MCC: variants seen among roughly 807,000 people sequenced by gnomAD.
MCC encodes colorectal mutant cancer protein.
A neutral mutation model predicts 116.2 loss-of-function variants in MCC; 90 were observed. The ratio of observed to expected loss-of-function variants is 0.77; its 90% CI spans 0.65 to 0.92. The LOEUF is 0.92. MCC is among the 40% of genes least tolerant of loss of function. The probability of loss-of-function intolerance (pLI) is 0.00; values close to 1 mark genes in which losing one functional copy is unlikely to be tolerated. For synonymous variants in MCC, 578 were observed against 510.5 expected (o/e 1.13, Z -1.78); for missense variants, 1,516 against 1,312.2 (o/e 1.16, Z -2.40).
intron 8 of MCC, among the ~76,000 whole-genome samples, chr5:113,099,076 A>C (rs776177100): frequency 2.6e-5 from 4 of 152,080 alleles, no homozygotes; most frequent in Non-Finnish European, 4.4e-5. Context: ...TTGGCACTTA[A>C]AGTCTAGTAA....
chr5:113,247,307 T>C (rs540975056), intron 3 of MCC, among the ~76,000 whole-genome samples: 1 of 152,202 alleles, frequency 6.6e-6, no homozygotes, highest in East Asian at 1.9e-4. Flanking sequence ...AAGACCATGT[T>C]AAGAAAGGGA....
chr5:113,073,755 C>A (rs570293010), intron 11 of MCC, among the ~76,000 whole-genome samples: 5 of 152,030 alleles, frequency 3.3e-5, no homozygotes, highest in African/African-American at 4.8e-5. Context: ...CTCTGGGGTC[C>A]CACGCCCACG....
At chr5:113,211,260 G>A (rs894066953) in intron 3 of MCC, among the ~76,000 whole-genome samples, 1 of 152,166 alleles carries the variant, frequency 6.6e-6, no homozygotes, top group African/African-American at 2.4e-5. Flanking sequence ...CTATAAACCA[G>A]GAAGCAGGGC....
chr5:113,179,995 G>A (rs147475293), intron 3 of MCC, among the ~76,000 whole-genome samples: 56 of 152,222 alleles, frequency 3.7e-4, no homozygotes, highest in African/African-American at 1.2e-3. Context: ...AGCTTCAGAC[G>A]ATGTGCTAAA....
At chr5:113,069,945 A>AGCCCTAGGT (rs945153947) in intron 12 of MCC, among the ~76,000 whole-genome samples, 1 of 152,234 alleles carries the variant, frequency 6.6e-6, no homozygotes, top group Non-Finnish European at 1.5e-5. Context: ...CTGAAATGCT[A>AGCCCTAGGT]GCCCTAGGTG....
intron 2 of MCC, among the ~76,000 whole-genome samples, chr5:113,343,272 C>A (rs1768055746): frequency 6.6e-6 from 1 of 152,140 alleles, no homozygotes. Flanking sequence ...TTATACAGTG[C>A]CTTTATAGCT....
intron 1 of MCC, among the ~76,000 whole-genome samples, chr5:113,465,395 T>C (rs1771873972): frequency 6.6e-6 from 1 of 152,132 alleles, no homozygotes; most frequent in South Asian, 2.1e-4. Flanking sequence ...AGGCATTAGA[T>C]ATTTAACTCC....
chr5:113,091,684 C>A (rs1220926435), intron 8 of MCC, among the ~76,000 whole-genome samples: 1 of 152,066 alleles, frequency 6.6e-6, no homozygotes, highest in Non-Finnish European at 1.5e-5. Context: ...GAGTTTGAGA[C>A]CAGCCTGGGC....
At chr5:113,099,334 G>T (rs1246275833) in intron 8 of MCC, among the ~76,000 whole-genome samples, 5 of 152,196 alleles carry the variant, frequency 3.3e-5, no homozygotes, top group Non-Finnish European at 7.3e-5. Context: ...GTGTCTATGT[G>T]TGCAGGCCTG....
At chr5:113,246,790 A>T (rs1360706312) in intron 3 of MCC, among the ~76,000 whole-genome samples, 1 of 152,192 alleles carries the variant, frequency 6.6e-6, no homozygotes, top group East Asian at 1.9e-4. Flanking sequence ...TCCTTGTTTA[A>T]TCATCACAAC....
intron 2 of MCC, among the ~76,000 whole-genome samples, chr5:113,370,763 T>C (rs1768819042): frequency 6.6e-6 from 1 of 152,246 alleles, no homozygotes. Flanking sequence ...CATATATGCA[T>C]ACACAGACAC....
At chr5:113,184,481 T>C (rs998721696) in intron 3 of MCC, among the ~76,000 whole-genome samples, 1 of 26,968 alleles carries the variant, frequency 3.7e-5, no homozygotes, top group African/African-American at 8.5e-5. Flanking sequence ...CGTTTTTTGT[T>C]TTTTTTTTTT....
Position 113,298,662 on chromosome 5 carries a change from T to C in MCC, c.627+41857A>G, listed in dbSNP as rs74533954. Among the ~76,000 whole-genome samples, 193 of 152,198 alleles carry C rather than the reference T, an allele frequency of 1.3e-3. 6 individuals carry two copies. The East Asian group carries it at 0.02, about 16-fold the overall frequency. ...GGGAGCAGGTGTCAAGGACAAAAACTATGAGATTAGCTTTGGAGTAGGCTT... is the reference window on the plus strand; with the variant it reads ...GGGAGCAGGTGTCAAGGACAAAAACCATGAGATTAGCTTTGGAGTAGGCTT... On this transcript the variant is annotated intron_variant, in intron 3 of 18. Coordinates refer to ENST00000408903, the MANE Select transcript of MCC (RefSeq NM_001085377.2).
At chr5:113,250,064 A>T (rs2150343278) in intron 3 of MCC, among the ~76,000 whole-genome samples, 1 of 152,336 alleles carries the variant, frequency 6.6e-6, no homozygotes, top group East Asian at 1.9e-4. Context: ...GCATGCTGAA[A>T]CCCAAATGGA....
intron 3 of MCC, among the ~76,000 whole-genome samples, chr5:113,296,706 T>C (rs1029495167): frequency 2.0e-5 from 3 of 152,144 alleles, no homozygotes; most frequent in African/African-American, 7.2e-5. Context: ...CAATAGGCAA[T>C]GGAGAGCCAC....
intron 5 of MCC, among the ~76,000 whole-genome samples, chr5:113,134,030 T>C (rs1367905850): frequency 1.3e-5 from 2 of 152,240 alleles, no homozygotes; most frequent in Non-Finnish European, 2.9e-5. Context: ...CTGTAGTTTG[T>C]CTTTTCACTT....
At chr5:113,279,342 G>A (rs75833944) in intron 3 of MCC, among the ~76,000 whole-genome samples, 3,114 of 152,172 alleles carry the variant, frequency 0.02, 34 homozygotes, top group Middle Eastern at 0.027. Flanking sequence ...GAATATTACA[G>A]TGTCGTATTG....
At chr5:113,252,609 A>C (rs1764844310) in intron 3 of MCC, among the ~76,000 whole-genome samples, 1 of 152,204 alleles carries the variant, frequency 6.6e-6, no homozygotes, top group Non-Finnish European at 1.5e-5. Flanking sequence ...ATGTAATAAT[A>C]ATAGAAATAA....
intron 3 of MCC, among the ~76,000 whole-genome samples, chr5:113,331,607 CTTTT>C (rs1218385581): frequency 1.6e-5 from 2 of 128,962 alleles, no homozygotes; most frequent in Non-Finnish European, 3.2e-5. Context: ...TCATGATCTG[CTTTT>C]TTGTTTGTTT....
Sources: allele counts gnomAD v4.1 joint callset (sites outside exome capture counted in the v4.1 genomes callset), GRCh38; gene constraint gnomAD v4.1.1; transcripts MANE v1.5; gene names NCBI Gene and HGNC (gene_info 2026-07-23, HGNC 2026-07-21).